The following CRTC1 variants were observed in gnomAD, a reference collection of about 807,000 sequenced individuals.
CRTC1 encodes the protein CREB-regulated transcription coactivator 1.
In CRTC1, 18 loss-of-function variants were observed where a neutral mutation model predicts 66.1. The ratio of observed to expected loss-of-function variants is 0.27; its 90% confidence interval spans 0.19 to 0.40. The LOEUF is 0.40. Ranked by LOEUF, CRTC1 falls within the 10% of genes least tolerant of loss-of-function variation. The pLI is 1.00. For synonymous variants in CRTC1, 416 were observed against 398.8 expected (o/e 1.04, Z -0.51); for missense variants, 669 against 887.9 (o/e 0.75, Z 3.13).
At chr19:18,718,653 T>G (rs1315356852) in intron 1 of CRTC1, among the ~76,000 whole-genome samples, 1 of 152,184 alleles carries the variant, frequency 6.6e-6, no homozygotes, top group Non-Finnish European at 1.5e-5. Context: ...TTCATTCCTT[T>G]TCATGGCTGA....
Position 18,742,934 on chromosome 19 carries a change from C to T in CRTC1, c.151C>T (p.Leu51=). 1 of 1,613,848 alleles carries T rather than the reference C, an allele frequency of 6.2e-7. No homozygotes were observed. The highest frequency in any genetic ancestry group is 1.1e-5 in the South Asian group (1 of 91,084). The change falls in exon 2 of 14, where the codon CTG becomes TTG. Residue 51 remains leucine (L), a synonymous_variant. Coordinates refer to ENST00000321949, the MANE Select transcript of CRTC1 (RefSeq NM_015321.3). ...GCTCCAGCTCCAGAAATCCCAGTAC[C>T]TGCAACTGGGCCCCAGCCGAGGCCA... ...ARLQLQKSQY[L]QLGPSRGQYY...
chr19:18,707,654 G>A (rs1006640547), intron 1 of CRTC1, among the ~76,000 whole-genome samples: 2 of 152,136 alleles, frequency 1.3e-5, no homozygotes, highest in Non-Finnish European at 2.9e-5. Flanking sequence ...TTTTGGTAGG[G>A]ATTGCATTGA....
chr19:18,704,339 T>C (rs142144750), intron 1 of CRTC1, among the ~76,000 whole-genome samples: 1 of 152,256 alleles, frequency 6.6e-6, no homozygotes, highest in East Asian at 1.9e-4. Flanking sequence ...TCCACCCTCC[T>C]TGGTCTCCCA....
chr19:18,764,261 T>C (rs1207614973), intron 8 of CRTC1, among the ~76,000 whole-genome samples: 1 of 152,208 alleles, frequency 6.6e-6, no homozygotes. Context: ...GTCAGGCGGC[T>C]TCACCCCCGC....
intron 11 of CRTC1, among the ~76,000 whole-genome samples, chr19:18,774,015 A>G (rs528199028): frequency 4.3e-4 from 66 of 152,328 alleles, no homozygotes; most frequent in African/African-American, 1.6e-3. Context: ...TATAGGGCAC[A>G]TGCCTTACGC....
chr19:18,759,872 A>G, intron 7 of CRTC1, 136 bp from the exon 8 acceptor site: 2 of 772,444 alleles, frequency 2.6e-6, no homozygotes, highest in Non-Finnish European at 4.2e-6. Flanking sequence ...GCCAGCCAAC[A>G]GTGGTTTCCC....
At chr19:18,722,353 C>T (rs1047140113) in intron 1 of CRTC1, among the ~76,000 whole-genome samples, 14 of 152,238 alleles carry the variant, frequency 9.2e-5, no homozygotes, top group Admixed American at 2.6e-4. Flanking sequence ...CAGACATATG[C>T]GCCCATGTCC....
chr19:18,727,202 A>T (rs1160765384), intron 1 of CRTC1, among the ~76,000 whole-genome samples: 2 of 152,038 alleles, frequency 1.3e-5, no homozygotes, highest in Admixed American at 6.6e-5. Flanking sequence ...ATGAGCTATG[A>T]TTGTGCTGCT....
intron 1 of CRTC1, among the ~76,000 whole-genome samples, chr19:18,700,632 G>C (rs1335016416): frequency 6.6e-6 from 1 of 152,190 alleles, no homozygotes; most frequent in Non-Finnish European, 1.5e-5. Context: ...GGTGCAGAGG[G>C]TGGGTGGGTG....
chr19:18,775,630 TC>T lies in CRTC1; in HGVS notation c.1513-8del. ...GGTGGCCCTCACAGCCTGGTGTGCC[TC>T]CCTTCCCAGCTGGAGCAGTTCAACA... On this transcript the variant is annotated splice_polypyrimidine_tract_variant and intron_variant, in intron 12 of 13. Coordinates refer to ENST00000321949, the MANE Select transcript of CRTC1 (RefSeq NM_015321.3). 6.4e-7 allele frequency: 1 copy of T among 1,560,348 alleles called. No homozygotes were observed. Among genetic ancestry groups the T allele is most frequent in the Non-Finnish European group, 8.7e-7 (1 of 1,151,162 alleles).
At chr19:18,707,342 G>A (rs749540709) in intron 1 of CRTC1, among the ~76,000 whole-genome samples, 35 of 152,290 alleles carry the variant, frequency 2.3e-4, no homozygotes, top group African/African-American at 4.8e-4. Context: ...TTCCAGAGCC[G>A]TTTTGTTGAA....
chr19:18,771,965 A>G lies in CRTC1; in HGVS notation c.1425+419A>G, dbSNP rs929404304. On this transcript the variant is annotated intron_variant, in intron 11 of 13. Coordinates refer to ENST00000321949, the MANE Select transcript of CRTC1 (RefSeq NM_015321.3). This position sits in a 1 kb window ranked among gnomAD's most constrained non-coding sequence, Gnocchi z 4.6. ...TGGCCCGCCCGCAGGGAAGGCGCTG[A>G]CTCTGCAGCCCTGCTTTCCCCTTCA... Among the ~76,000 whole-genome samples, 4 of 151,830 alleles carry G rather than the reference A, an allele frequency of 2.6e-5. No individual in the cohort carries two copies. Among genetic ancestry groups the G allele is most frequent in the Non-Finnish European group, 4.4e-5 (3 of 67,910 alleles).
chr19:18,778,048 C>T lies in CRTC1; in HGVS notation c.*666C>T, dbSNP rs2055033646. 4.3e-6 allele frequency: 1 copy of T among 233,558 alleles called. No homozygotes were observed. Among genetic ancestry groups the T allele is most frequent in the South Asian group, 1.8e-4 (1 of 5,582 alleles). 14.5% of individuals were successfully genotyped at this position (233,558 alleles called of 1,614,324 possible). A position where few individuals can be genotyped will look rare whatever the true frequency, so the allele number is the denominator to read the frequency against. On this transcript the variant is annotated 3_prime_UTR_variant, in exon 14 of 14. Coordinates refer to ENST00000321949, the MANE Select transcript of CRTC1 (RefSeq NM_015321.3). Reference sequence around the variant, plus strand: ...TGCAGGGCGGCGGACCCCCCCACGACCCTCCTCGCCCTGTCTCCATCCCCT... The same window carrying T: ...TGCAGGGCGGCGGACCCCCCCACGATCCTCCTCGCCCTGTCTCCATCCCCT...
At position 18,747,130 on chromosome 19, in the gene CRTC1, C is replaced by CG. The variant is rs1555784595; in HGVS notation, c.443+16_443+17insG. ...GCTGGAGAAGGTCAGTGGCTGGACA[C>CG]CCCCCCCCCGCCCCCTTCTTGTTGG... On this transcript the variant is annotated intron_variant, in intron 4 of 13. Transcript: ENST00000321949. The CG allele has an allele frequency of 3.0e-5, 9 of 299,070 alleles. No individual in the cohort carries two copies. In the East Asian group the frequency reaches 1.0e-3, roughly 34 times the overall value. The allele number at this position is 299,070 out of a possible 1,614,324, so 18.5% of individuals were successfully genotyped here. A position where few individuals can be genotyped will look rare whatever the true frequency, so the allele number is the denominator to read the frequency against.
chr19:18,697,873 A>G (rs2053030453), intron 1 of CRTC1, among the ~76,000 whole-genome samples: 1 of 152,284 alleles, frequency 6.6e-6, no homozygotes, highest in Non-Finnish European at 1.5e-5. Context: ...CAGGCCTGCA[A>G]GAGGCACTTC....
intron 10 of CRTC1, among the ~76,000 whole-genome samples, chr19:18,769,788 G>A (rs1417536982): frequency 1.3e-5 from 2 of 152,244 alleles, no homozygotes; most frequent in East Asian, 3.9e-4. Flanking sequence ...TCCATGTCCA[G>A]CACCCTCACA....
At chr19:18,709,099 C>T (rs1217838102) in intron 1 of CRTC1, among the ~76,000 whole-genome samples, 1 of 152,154 alleles carries the variant, frequency 6.6e-6, no homozygotes, top group Non-Finnish European at 1.5e-5. Context: ...TCTGGAGCAG[C>T]AGGTGCCAGG....
intron 1 of CRTC1, among the ~76,000 whole-genome samples, chr19:18,685,478 G>A (rs2052665344): frequency 6.6e-6 from 1 of 152,150 alleles, no homozygotes. Flanking sequence ...CCAACGTGGT[G>A]AAACCCTGTC....
intron 8 of CRTC1, among the ~76,000 whole-genome samples, 188 bp from the exon 9 acceptor site, chr19:18,765,216 C>G (rs1376339614): frequency 1.3e-5 from 2 of 152,208 alleles, no homozygotes; most frequent in African/African-American, 4.8e-5. Context: ...CTCTGCAGGA[C>G]TGTGGGACCC....
Sources: allele counts gnomAD v4.1 joint callset (sites outside exome capture counted in the v4.1 genomes callset), GRCh38; gene constraint gnomAD v4.1.1; non-coding constraint Gnocchi (gnomAD v3.1); transcripts MANE v1.5; gene names NCBI Gene and HGNC (gene_info 2026-07-23, HGNC 2026-07-21).